The following TADA2A variants were observed in gnomAD, a reference collection of about 807,000 sequenced individuals.
TADA2A encodes transcriptional adapter 2-alpha.
A neutral mutation model predicts 67.4 loss-of-function variants in TADA2A; 38 were observed. The observed-to-expected ratio is 0.56, with a 90% CI of 0.44 to 0.74. The LOEUF (loss-of-function observed/expected upper bound fraction) is 0.74. Ranked by LOEUF, TADA2A falls within the 30% of genes least tolerant of loss-of-function variation. The pLI is 0.00. For synonymous variants in TADA2A, 192 were observed against 181.6 expected, an observed-to-expected ratio of 1.06 and a Z score of -0.46; for missense variants, 454 against 547.0, an observed-to-expected ratio of 0.83 and a Z score of 1.70.
intron 8 of TADA2A, 95 bp from the exon 9 acceptor site, chr17:37,458,429 G>C: frequency 1.2e-6 from 1 of 859,474 alleles, no homozygotes; most frequent in South Asian, 4.6e-5. Flanking sequence ...GAGGTTCAAA[G>C]TTTGGGTAAA....
intron 3 of TADA2A, 184 bp from the exon 4 acceptor site, chr17:37,426,766 G>A (rs1333393694): frequency 2.0e-6 from 1 of 497,510 alleles, no homozygotes; most frequent in Non-Finnish European, 3.5e-6. Context: ...GATCCCTTGA[G>A]CCTAGGAGTT....
intron 3 of TADA2A, among the ~76,000 whole-genome samples, chr17:37,425,567 A>G (rs1170543425): frequency 6.6e-6 from 1 of 152,198 alleles, no homozygotes. Flanking sequence ...GAAGCACCTC[A>G]ATTTCAGAAA....
At chr17:37,470,322 C>T in intron 12 of TADA2A, 78 bp from the exon 13 acceptor site, 1 of 1,562,584 alleles carries the variant, frequency 6.4e-7, no homozygotes, top group Admixed American at 1.9e-5. Flanking sequence ...AAACCCAAAA[C>T]CGGTTTCTTG....
At chr17:37,436,337 T>G (rs2052725059) in intron 4 of TADA2A, 1 of 152,162 alleles carries the variant, frequency 6.6e-6, no homozygotes. Context: ...ATTTTGCATT[T>G]TATTCTTAAG....
intron 5 of TADA2A, among the ~76,000 whole-genome samples, chr17:37,439,723 G>A (rs1375487680): frequency 6.6e-6 from 1 of 151,998 alleles, no homozygotes; most frequent in Non-Finnish European, 1.5e-5. Context: ...TCAGTGTCTG[G>A]CATCTCATAG....
chr17:37,423,724 C>A, intron 3 of TADA2A, 109 bp downstream of exon 3: 15 of 736,932 alleles, frequency 2.0e-5, no homozygotes, highest in Middle Eastern at 3.1e-4. Flanking sequence ...CTTATTAAAT[C>A]TATTCCTTCC....
At chr17:37,433,536 A>T (rs1222365431) in intron 4 of TADA2A, among the ~76,000 whole-genome samples, 1 of 151,798 alleles carries the variant, frequency 6.6e-6, no homozygotes. Flanking sequence ...GCACATGCTT[A>T]TATTCTTAGC....
intron 10 of TADA2A, 119 bp from the exon 11 acceptor site, chr17:37,465,312 G>A: frequency 1.4e-6 from 1 of 706,364 alleles, no homozygotes; most frequent in East Asian, 2.7e-5. Context: ...GGATAAGTTA[G>A]TCATATGAGG....
chr17:37,419,812 G>A (rs1446538806), intron 2 of TADA2A, among the ~76,000 whole-genome samples: 3 of 142,206 alleles, frequency 2.1e-5, no homozygotes, highest in Non-Finnish European at 3.1e-5. Flanking sequence ...TCAGGAGTTC[G>A]AGACCAGCCT....
intron 9 of TADA2A, among the ~76,000 whole-genome samples, chr17:37,459,337 C>T (rs1241965323): frequency 6.7e-6 from 1 of 150,092 alleles, no homozygotes; most frequent in African/African-American, 2.5e-5. Flanking sequence ...GGATGGAGTG[C>T]AGTGGCGTGA....
chr17:37,437,940 A>G (rs906811649), intron 5 of TADA2A, 111 bp downstream of exon 5: 9 of 1,022,432 alleles, frequency 8.8e-6, no homozygotes, highest in South Asian at 2.8e-5. Flanking sequence ...TTGCTTTCCT[A>G]TCAACCCATG....
intron 5 of TADA2A, chr17:37,438,128 T>C (rs1301579407): frequency 4.1e-6 from 1 of 241,716 alleles, no homozygotes; most frequent in Non-Finnish European, 7.9e-6. Flanking sequence ...TTTAGTTTCG[T>C]TAGTTATTAC....
chr17:37,439,921 TA>T (rs1193742158), intron 5 of TADA2A, among the ~76,000 whole-genome samples: 13 of 98,752 alleles, frequency 1.3e-4, no homozygotes, highest in African/African-American at 5.0e-4. Flanking sequence ...TTTATTTATT[TA>T]TTTATTTATT....
rs183536346 is a variant in TADA2A at position 37,422,460 on chromosome 17, C to T, written c.26-1049C>T. ...CCTCCCAAAGTGCTGGGATTACAGGCGTGAGCCACCATGCCCAGCTGATTA... is the reference window on the plus strand; with the variant it reads ...CCTCCCAAAGTGCTGGGATTACAGGTGTGAGCCACCATGCCCAGCTGATTA... On this transcript the variant is annotated intron_variant, in intron 2 of 15. Transcript: ENST00000615182. Among the ~76,000 whole-genome samples the T allele has an allele frequency of 3.2e-3, 460 of 142,240 alleles. 1 individual carries two copies. The highest frequency in any genetic ancestry group is 0.011 in the African/African-American group (437 of 39,138). The allele number at this position is 142,240 out of a possible 152,430, so 93.3% of individuals were successfully genotyped here. A position where few individuals can be genotyped will look rare whatever the true frequency, so the allele number is the denominator to read the frequency against.
intron 4 of TADA2A, among the ~76,000 whole-genome samples, chr17:37,430,662 G>A (rs1425498925): frequency 6.6e-6 from 1 of 152,172 alleles, no homozygotes; most frequent in East Asian, 1.9e-4. Flanking sequence ...TCTTCTGTGA[G>A]AGATTGTGGT....
chr17:37,455,248 C>G lies in TADA2A; in HGVS notation c.605-3276C>G, dbSNP rs116979943. Among the ~76,000 whole-genome samples the G allele has an allele frequency of 1.5e-4, 23 of 151,024 alleles. No individual in the cohort carries two copies. In the East Asian group the frequency reaches 4.5e-3, roughly 29 times the overall value. ...GCATAGTGCCAAGTTTTGCATTACT[C>G]ATATTTTCTTCTAGCGTTGTTACTA... On this transcript the variant is annotated intron_variant, in intron 8 of 15. Transcript: ENST00000615182.
At chr17:37,426,892 ACCT>A in intron 3 of TADA2A, 55 bp from the exon 4 acceptor site, 2 of 1,493,112 alleles carry the variant, frequency 1.3e-6, no homozygotes, top group South Asian at 1.3e-5. Context: ...AATAACACAA[ACCT>A]CCTCTGTCCT....
At chr17:37,441,749 C>T (rs1033462588) in intron 6 of TADA2A, among the ~76,000 whole-genome samples, 3 of 151,664 alleles carry the variant, frequency 2.0e-5, no homozygotes, top group African/African-American at 7.3e-5. Context: ...TTACTGCAAC[C>T]TCCACCTCCA....
intron 4 of TADA2A, among the ~76,000 whole-genome samples, chr17:37,432,214 G>A (rs918848613): frequency 6.6e-6 from 1 of 151,532 alleles, no homozygotes; most frequent in Non-Finnish European, 1.5e-5. Context: ...GCCCAGGCTG[G>A]AGTGCAATTG....
Sources: allele counts gnomAD v4.1 joint callset (sites outside exome capture counted in the v4.1 genomes callset), GRCh38; gene constraint gnomAD v4.1.1; transcripts MANE v1.5; gene names NCBI Gene and HGNC (gene_info 2026-07-23, HGNC 2026-07-21).